DISC1: variants seen among roughly 807,000 people sequenced by gnomAD.
DISC1 encodes the protein DISC1 scaffold protein.
Under a neutral mutation model 84.5 loss-of-function variants are expected in DISC1, and 57 were observed. The observed-to-expected ratio is 0.67, with a 90% confidence interval of 0.55 to 0.84. The LOEUF is 0.84. Among genes scored for constraint, DISC1 ranks in the 40% least tolerant of loss-of-function variants. DISC1 has a pLI of 0.00. For missense variants in DISC1, 1,000 were observed against 1,057.8 expected (o/e 0.95, Z 0.76); for synonymous variants, 411 against 415.2 (o/e 0.99, Z 0.12).
intron 10 of DISC1, among the ~76,000 whole-genome samples, chr1:231,965,587 A>T (rs1400206996): frequency 6.6e-6 from 1 of 152,230 alleles, no homozygotes; most frequent in Non-Finnish European, 1.5e-5. Flanking sequence ...TTTCGCATCC[A>T]GCATAAATTC....
chr1:231,695,645 T>C (rs1189350438), intron 2 of DISC1, among the ~76,000 whole-genome samples: 2 of 151,666 alleles, frequency 1.3e-5, no homozygotes, highest in Non-Finnish European at 2.9e-5. Flanking sequence ...GTGTGCATGT[T>C]TGTGCTGTGT....
At chr1:231,938,555 G>C (rs578077463) in intron 9 of DISC1, among the ~76,000 whole-genome samples, 1 of 152,332 alleles carries the variant, frequency 6.6e-6, no homozygotes, top group South Asian at 2.1e-4. Flanking sequence ...CTCCAGAAGA[G>C]AACATAGCCC....
chr1:231,766,474 C>CTT (rs1558506704), intron 4 of DISC1, among the ~76,000 whole-genome samples: 2 of 152,032 alleles, frequency 1.3e-5, no homozygotes, highest in African/African-American at 4.8e-5. Flanking sequence ...GTGATTAAAG[C>CTT]TGATTGTGGG....
At chr1:231,728,050 C>T (rs2070983467) in intron 3 of DISC1, among the ~76,000 whole-genome samples, 1 of 152,040 alleles carries the variant, frequency 6.6e-6, no homozygotes, top group South Asian at 2.1e-4. Flanking sequence ...GGTCTCCTGA[C>T]TCTTAAGCAG....
chr1:231,653,999 C>T (rs1011728979), intron 1 of DISC1, among the ~76,000 whole-genome samples: 2 of 152,170 alleles, frequency 1.3e-5, no homozygotes, highest in Non-Finnish European at 2.9e-5. Flanking sequence ...GGTGGAGGTT[C>T]TCAACCAGAG....
chr1:231,642,705 C>T (rs977426862), intron 1 of DISC1, among the ~76,000 whole-genome samples: 11 of 152,174 alleles, frequency 7.2e-5, no homozygotes, highest in South Asian at 4.1e-4. Context: ...TCCATTAGGA[C>T]ATTGTGTGGA....
At chr1:232,012,230 G>A (rs1668080432) in intron 11 of DISC1, among the ~76,000 whole-genome samples, 2 of 152,160 alleles carry the variant, frequency 1.3e-5, no homozygotes. Flanking sequence ...GGGGGTGCTT[G>A]AGATTGTTAC....
At chr1:231,787,256 T>C (rs1402182994) in intron 6 of DISC1, among the ~76,000 whole-genome samples, 1 of 152,098 alleles carries the variant, frequency 6.6e-6, no homozygotes, top group Admixed American at 6.5e-5. Context: ...GACTGAGTAA[T>C]TTATAAAGAG....
Position 231,694,468 on chromosome 1 carries a change from C to A in DISC1, c.710C>A (p.Ser237Tyr), listed in dbSNP as rs199530992. ...TGCCCACCATCCAGAGAGGCTGAGT[C>A]CCATTGCCAGAGCCCCCAGGAGATG... ...EGCPPSREAE[S>Y]HCQSPQEMGA... The change falls in exon 2 of 13, where the codon TCC (serine) becomes TAC (tyrosine). Residue 237 changes from serine to tyrosine, a missense_variant. Transcript: ENST00000439617. The A allele has an allele frequency of 1.9e-6, 3 of 1,614,286 alleles. No homozygotes were observed. Among genetic ancestry groups the A allele is most frequent in the Non-Finnish European group, 2.5e-6 (3 of 1,180,052 alleles).
intron 9 of DISC1, among the ~76,000 whole-genome samples, chr1:231,846,372 T>C (rs1204537713): frequency 1.3e-5 from 2 of 152,228 alleles, no homozygotes; most frequent in Non-Finnish European, 2.9e-5. Context: ...AGCATCTTCA[T>C]AGCCATCCAG....
intron 11 of DISC1, among the ~76,000 whole-genome samples, chr1:232,016,670 CTTCTAACAATTTGTTT>C (rs138900970): frequency 9.2e-4 from 140 of 152,338 alleles, no homozygotes; most frequent in Middle Eastern, 3.4e-3. Context: ...GCAATTTCTT[CTTCTAACAATTTGTTT>C]GGTTCTGTTA....
chr1:231,934,123 A>C (rs2090836310), intron 9 of DISC1, among the ~76,000 whole-genome samples: 3 of 152,204 alleles, frequency 2.0e-5, no homozygotes, highest in African/African-American at 7.2e-5. Flanking sequence ...AAGTGGGAAG[A>C]GGGAGGGAGA....
chr1:231,684,040 T>C (rs904397612), intron 1 of DISC1, among the ~76,000 whole-genome samples: 2 of 152,140 alleles, frequency 1.3e-5, no homozygotes, highest in African/African-American at 2.4e-5. Flanking sequence ...GTGGAGTTGC[T>C]CACAGCCTGG....
chr1:231,912,741 T>C (rs937767996), intron 9 of DISC1, among the ~76,000 whole-genome samples: 1 of 100,662 alleles, frequency 9.9e-6, no homozygotes, highest in Admixed American at 1.2e-4. Flanking sequence ...TGCAGCTTGC[T>C]CTTCTTTCTT....
rs144420719 is a variant in DISC1 at position 231,839,003 on chromosome 1, A to G, written c.1981+20486A>G. Among the ~76,000 whole-genome samples the G allele has an allele frequency of 3.2e-3, 444 of 137,606 alleles. 4 individuals are homozygous for G. Among genetic ancestry groups the G allele is most frequent in the African/African-American group, 0.011 (423 of 37,544 alleles). The allele number at this position is 137,606 out of a possible 152,430, so 90.3% of individuals were successfully genotyped here. A position where few individuals can be genotyped will look rare whatever the true frequency, so the allele number is the denominator to read the frequency against. ...ACATGTACACAGCAAATAGGGCACG[A>G]TGTGTTGAAGGATGAAATGAAGCAA... On this transcript the variant is annotated intron_variant, in intron 9 of 12. Coordinates refer to ENST00000439617, the MANE Select transcript of DISC1 (RefSeq NM_018662.3).
In DISC1 at chr1:231,697,903, T is replaced by C. The variant is rs182218356; in HGVS notation, c.1047+3098T>C. On this transcript the variant is annotated intron_variant, in intron 2 of 12. Transcript: ENST00000439617. The stretch of plus-strand genomic sequence containing the variant: ...TTTGTGGTCTATTTAATGCCATCTT[T>C]TTTTACATTTTTGTGCTCTTTATTG... 2.6e-5 allele frequency among the ~76,000 whole-genome samples: 4 copies of C among 152,332 alleles called. No individual in the cohort carries two copies. The South Asian group carries it at 6.2e-4, about 24-fold the overall frequency.
At chr1:231,910,047 C>A (rs1299165685) in intron 9 of DISC1, among the ~76,000 whole-genome samples, 2 of 151,884 alleles carry the variant, frequency 1.3e-5, no homozygotes, top group Non-Finnish European at 2.9e-5. Context: ...TTTTATTGCA[C>A]CTATTTGATT....
At chr1:231,734,087 C>CATT (rs1204022714) in intron 3 of DISC1, among the ~76,000 whole-genome samples, 2 of 152,028 alleles carry the variant, frequency 1.3e-5, no homozygotes, top group Non-Finnish European at 2.9e-5. Flanking sequence ...TGGACAAACT[C>CATT]ATTTCTCTTG....
At chr1:231,866,942 C>A (rs2125938242) in intron 9 of DISC1, among the ~76,000 whole-genome samples, 1 of 152,310 alleles carries the variant, frequency 6.6e-6, no homozygotes, top group South Asian at 2.1e-4. Context: ...AGAAAGATGC[C>A]ATTTCTAAGA....
Sources: allele counts gnomAD v4.1 joint callset (sites outside exome capture counted in the v4.1 genomes callset), GRCh38; gene constraint gnomAD v4.1.1; transcripts MANE v1.5; gene names NCBI Gene and HGNC (gene_info 2026-07-23, HGNC 2026-07-21).